PTPRK: variants seen among roughly 807,000 people sequenced by gnomAD.
PTPRK encodes the protein protein tyrosine phosphatase receptor type K, also known as receptor-type tyrosine-protein phosphatase kappa.
Under a neutral mutation model 178.0 loss-of-function variants are expected in PTPRK, and 75 were observed. The ratio of observed to expected loss-of-function variants is 0.42; its 90% CI spans 0.35 to 0.51. The LOEUF (loss-of-function observed/expected upper bound fraction) is 0.51, where lower values mean the gene tolerates loss of function less well. PTPRK is among the 20% of genes least tolerant of loss of function. The pLI, the probability that PTPRK is intolerant of heterozygous loss-of-function variation, is 0.02. For missense variants in PTPRK, 1,441 were observed against 1,797.8 expected, an observed-to-expected ratio of 0.80 and a Z score of 3.59; for synonymous variants, 637 against 620.6, an observed-to-expected ratio of 1.03 and a Z score of -0.39.
At chr6:128,436,522 T>C (rs537301007) in intron 1 of PTPRK, among the ~76,000 whole-genome samples, 5 of 152,308 alleles carry the variant, frequency 3.3e-5, no homozygotes, top group East Asian at 1.9e-4. Flanking sequence ...ATTTCATCAA[T>C]TGAGATTATT....
chr6:128,250,066 G>T (rs376904239), intron 3 of PTPRK, among the ~76,000 whole-genome samples: 8 of 152,066 alleles, frequency 5.3e-5, no homozygotes, highest in Admixed American at 3.9e-4. Context: ...TTCCGTTTTC[G>T]CTTGATTCTC....
chr6:128,163,780 T>A (rs939371570), intron 7 of PTPRK, among the ~76,000 whole-genome samples: 3 of 151,496 alleles, frequency 2.0e-5, no homozygotes, highest in African/African-American at 7.2e-5. Flanking sequence ...GAACAATAAA[T>A]CATATTCCAA....
At chr6:128,036,281 C>A (rs554672493) in intron 13 of PTPRK, among the ~76,000 whole-genome samples, 1 of 152,262 alleles carries the variant, frequency 6.6e-6, no homozygotes, top group South Asian at 2.1e-4. Flanking sequence ...TTCATGGGAG[C>A]AGCTACACCC....
intron 5 of PTPRK, among the ~76,000 whole-genome samples, chr6:128,222,799 T>G (rs1295654001): frequency 6.6e-6 from 1 of 152,226 alleles, no homozygotes; most frequent in Admixed American, 6.5e-5. Context: ...ATTCTAAAAC[T>G]ACTGACATTT....
rs755391283 is a variant in PTPRK at position 128,201,423 on chromosome 6, A to T, written c.869-16698T>A. ...ATCCATGCACATGTGAGTGTGCATGAGTGTGTGCGTATGTTTACAGTAGTA... is the reference window on the plus strand; with the variant it reads ...ATCCATGCACATGTGAGTGTGCATGTGTGTGTGCGTATGTTTACAGTAGTA... On this transcript the variant is annotated intron_variant, in intron 6 of 29. Transcript: ENST00000368226. Among the ~76,000 whole-genome samples the T allele has an allele frequency of 1.1e-4, 16 of 152,206 alleles. 1 individual carries two copies. The highest frequency in any genetic ancestry group is 4.6e-4 in the Admixed American group (7 of 15,282).
At chr6:128,347,295 C>T (rs1443385152) in intron 2 of PTPRK, among the ~76,000 whole-genome samples, 1 of 152,092 alleles carries the variant, frequency 6.6e-6, no homozygotes, top group Non-Finnish European at 1.5e-5. Context: ...ACTCAGGGAA[C>T]TTCTATCCCT....
chr6:128,092,922 A>G (rs1416579363), intron 7 of PTPRK, among the ~76,000 whole-genome samples: 1 of 152,236 alleles, frequency 6.6e-6, no homozygotes, highest in Non-Finnish European at 1.5e-5. Context: ...AAGCAAAAAG[A>G]TATTGTTTGG....
chr6:128,201,497 A>C (rs75477210), intron 6 of PTPRK, among the ~76,000 whole-genome samples: 2 of 152,238 alleles, frequency 1.3e-5, no homozygotes, highest in African/African-American at 4.8e-5. Context: ...AATAGTTTCA[A>C]ATATAAACTA....
At chr6:128,155,965 T>G (rs1562690728) in intron 7 of PTPRK, among the ~76,000 whole-genome samples, 1 of 151,948 alleles carries the variant, frequency 6.6e-6, no homozygotes, top group Non-Finnish European at 1.5e-5. Context: ...CCAGTAAACA[T>G]AATTCTGCTG....
chr6:127,988,714 A>G (rs927644868), intron 21 of PTPRK, among the ~76,000 whole-genome samples: 1 of 152,028 alleles, frequency 6.6e-6, no homozygotes, highest in Non-Finnish European at 1.5e-5. Context: ...TGTGTTTTCT[A>G]ATATTGTATA....
chr6:128,328,867 T>C (rs990703706), intron 2 of PTPRK, among the ~76,000 whole-genome samples: 1 of 152,210 alleles, frequency 6.6e-6, no homozygotes, highest in Non-Finnish European at 1.5e-5. Context: ...AAGCATTGTT[T>C]TACTTTTTAC....
intron 3 of PTPRK, among the ~76,000 whole-genome samples, chr6:128,292,932 AG>A (rs1823645096): frequency 6.6e-6 from 1 of 152,080 alleles, no homozygotes; most frequent in African/African-American, 2.4e-5. Flanking sequence ...CCTTTGTTAA[AG>A]AAAGAAAAGT....
chr6:128,244,621 G>T (rs924137506), intron 3 of PTPRK, among the ~76,000 whole-genome samples: 9 of 152,292 alleles, frequency 5.9e-5, no homozygotes, highest in Middle Eastern at 3.4e-3. Flanking sequence ...ACACATTTTA[G>T]AAGGTGAGAG....
intron 15 of PTPRK, 170 bp downstream of exon 15, chr6:128,004,914 G>C: frequency 1.7e-6 from 1 of 602,626 alleles, no homozygotes; most frequent in Non-Finnish European, 2.8e-6. Flanking sequence ...TATCAATCTT[G>C]ATGAGAATCC....
intron 7 of PTPRK, among the ~76,000 whole-genome samples, 172 bp downstream of exon 7, chr6:128,184,260 A>T (rs1183603957): frequency 6.6e-6 from 1 of 152,182 alleles, no homozygotes; most frequent in Non-Finnish European, 1.5e-5. Flanking sequence ...CATGTCCTCA[A>T]ATCAGTCAAA....
intron 13 of PTPRK, among the ~76,000 whole-genome samples, chr6:128,037,708 T>A (rs1045350000): frequency 4.6e-5 from 7 of 152,092 alleles, no homozygotes; most frequent in Admixed American, 3.9e-4. Flanking sequence ...AGTAAATAAA[T>A]TTTGTGCTCA....
intron 1 of PTPRK, chr6:128,491,795 T>C (rs1466287620): frequency 5.8e-6 from 3 of 518,318 alleles, no homozygotes; most frequent in Non-Finnish European, 7.7e-6. Flanking sequence ...GCGAATGGAA[T>C]GGCAGACAGC....
chr6:128,167,108 T>C (rs1456439764), intron 7 of PTPRK, among the ~76,000 whole-genome samples: 1 of 151,782 alleles, frequency 6.6e-6, no homozygotes, highest in Non-Finnish European at 1.5e-5. Context: ...ACACAGCCTG[T>C]GCTGTGCCTT....
intron 7 of PTPRK, among the ~76,000 whole-genome samples, chr6:128,149,512 TTAGA>T (rs1359591416): frequency 1.3e-5 from 2 of 152,166 alleles, no homozygotes; most frequent in East Asian, 1.9e-4. Context: ...AGCTTTGGAA[TTAGA>T]TAGGCATATA....
Sources: allele counts gnomAD v4.1 joint callset (sites outside exome capture counted in the v4.1 genomes callset), GRCh38; gene constraint gnomAD v4.1.1; transcripts MANE v1.5; gene names NCBI Gene and HGNC (gene_info 2026-07-23, HGNC 2026-07-21).